The following RAB28 variants were observed in gnomAD, a reference collection of about 807,000 sequenced individuals.
RAB28 encodes RAB28, member RAS oncogene family.
A neutral mutation model predicts 31.7 loss-of-function variants in RAB28; 24 were observed. The ratio of observed to expected loss-of-function variants is 0.76; its 90% CI spans 0.55 to 1.06. RAB28 has a LOEUF of 1.06. RAB28 is among the 50% of genes least tolerant of loss of function. RAB28 has a pLI of 0.00. For missense variants in RAB28, 254 were observed against 258.5 expected, an observed-to-expected ratio of 0.98 and a Z score of 0.12; for synonymous variants, 100 against 90.4, an observed-to-expected ratio of 1.11 and a Z score of -0.60.
At chr4:13,412,148 T>C (rs948309577) in intron 4 of RAB28, among the ~76,000 whole-genome samples, 26 of 151,946 alleles carry the variant, frequency 1.7e-4, no homozygotes, top group Non-Finnish European at 2.8e-4. Flanking sequence ...GGCTGACACA[T>C]GTAAAATCAA....
At chr4:13,399,702 C>A (rs1386168712) in intron 4 of RAB28, among the ~76,000 whole-genome samples, 2 of 152,034 alleles carry the variant, frequency 1.3e-5, no homozygotes, top group African/African-American at 2.4e-5. Context: ...ATTTATATGT[C>A]TTTCTTCTTC....
chr4:13,455,338 G>C (rs1715238114), intron 4 of RAB28, among the ~76,000 whole-genome samples: 1 of 152,222 alleles, frequency 6.6e-6, no homozygotes. Flanking sequence ...TCAAGGGCAG[G>C]TTTGCCCTGG....
chr4:13,381,377 A>T (rs1009736916), intron 5 of RAB28, 114 bp downstream of exon 5: 1 of 673,420 alleles, frequency 1.5e-6, no homozygotes. Context: ...AAGGAATTTC[A>T]TGTTTTCAAT....
chr4:13,394,608 G>T (rs1006129431), intron 4 of RAB28, among the ~76,000 whole-genome samples: 1 of 152,144 alleles, frequency 6.6e-6, no homozygotes, highest in Admixed American at 6.5e-5. Flanking sequence ...CGAAAAAACT[G>T]TTTAAGTCAT....
intron 4 of RAB28, among the ~76,000 whole-genome samples, chr4:13,428,010 T>A (rs55674626): frequency 0.057 from 8,692 of 152,050 alleles, 570 homozygotes; most frequent in African/African-American, 0.16. Context: ...CACGTGAGAG[T>A]GTCGTGATGG....
Position 13,433,115 on chromosome 4 carries a change from A to T in RAB28, c.391+27584T>A, listed in dbSNP as rs185107607. ...ATAGGCTCAAAGTAAAGGTATGGAGAAAGATCTATCATGCAAATGAAAGAA... is the reference window on the plus strand; with the variant it reads ...ATAGGCTCAAAGTAAAGGTATGGAGTAAGATCTATCATGCAAATGAAAGAA... On this transcript the variant is annotated intron_variant, in intron 4 of 6. Transcript: ENST00000330852. Among the ~76,000 whole-genome samples the T allele has an allele frequency of 8.6e-5, 13 of 151,858 alleles. No homozygotes were observed. In the East Asian group the frequency reaches 2.5e-3, roughly 29 times the overall value.
intron 4 of RAB28, among the ~76,000 whole-genome samples, chr4:13,425,056 A>C (rs1376328467): frequency 6.6e-6 from 1 of 152,226 alleles, no homozygotes; most frequent in East Asian, 1.9e-4. Flanking sequence ...TATACAGATA[A>C]GAAATGAGTT....
At chr4:13,383,927 G>A (rs1202194540) in intron 4 of RAB28, among the ~76,000 whole-genome samples, 1 of 152,174 alleles carries the variant, frequency 6.6e-6, no homozygotes, top group Non-Finnish European at 1.5e-5. Flanking sequence ...CTCTCCTGAG[G>A]TCCCAGCCTG....
intron 6 of RAB28, among the ~76,000 whole-genome samples, chr4:13,368,997 T>C (rs578126066): frequency 5.3e-5 from 8 of 152,260 alleles, no homozygotes; most frequent in South Asian, 2.1e-4. Flanking sequence ...TTTTAAATCA[T>C]AGAAAAGAAC....
At chr4:13,402,598 T>A (rs957257891) in intron 4 of RAB28, among the ~76,000 whole-genome samples, 10 of 152,168 alleles carry the variant, frequency 6.6e-5, no homozygotes, top group African/African-American at 2.4e-4. Flanking sequence ...ATCCTTCTAT[T>A]TCTAAGCTAC....
chr4:13,400,076 T>C (rs1711662074), intron 4 of RAB28, among the ~76,000 whole-genome samples: 1 of 152,164 alleles, frequency 6.6e-6, no homozygotes, highest in Admixed American at 6.5e-5. Flanking sequence ...TTTTTCTCTA[T>C]AAAAATAACA....
chr4:13,370,060 G>A, intron 6 of RAB28: 5 of 1,478,402 alleles, frequency 3.4e-6, no homozygotes, highest in South Asian at 2.8e-5. Flanking sequence ...AATATAGAAG[G>A]AAACACCAAA....
At chr4:13,400,690 T>A (rs1711698000) in intron 4 of RAB28, among the ~76,000 whole-genome samples, 2 of 152,154 alleles carry the variant, frequency 1.3e-5, no homozygotes. Flanking sequence ...TGACATTAAT[T>A]GTAGGGTTTT....
At chr4:13,374,032 C>A (rs1046554984) in intron 6 of RAB28, among the ~76,000 whole-genome samples, 2 of 151,574 alleles carry the variant, frequency 1.3e-5, no homozygotes, top group Non-Finnish European at 2.9e-5. Context: ...GATGAACTTG[C>A]CAAAATGTTT....
intron 2 of RAB28, 33 bp from the exon 3 acceptor site, chr4:13,474,439 A>G: frequency 7.7e-7 from 1 of 1,291,622 alleles, no homozygotes; most frequent in Non-Finnish European, 1.1e-6. Flanking sequence ...AAAAATAAGA[A>G]TACCAAAAAA....
chr4:13,402,163 T>G (rs1037093480), intron 4 of RAB28, among the ~76,000 whole-genome samples: 2 of 152,242 alleles, frequency 1.3e-5, no homozygotes, highest in African/African-American at 4.8e-5. Flanking sequence ...AAGAATATGG[T>G]CTATCTTGAT....
intron 4 of RAB28, among the ~76,000 whole-genome samples, chr4:13,399,457 T>C (rs1351297331): frequency 1.3e-5 from 2 of 152,188 alleles, no homozygotes; most frequent in African/African-American, 2.4e-5. Context: ...CTAAGATACA[T>C]AGCAGAGAAC....
At chr4:13,398,469 A>C (rs183640286) in intron 4 of RAB28, among the ~76,000 whole-genome samples, 9 of 152,292 alleles carry the variant, frequency 5.9e-5, no homozygotes, top group African/African-American at 2.2e-4. Flanking sequence ...GGCATCTCAC[A>C]AAGTACACAA....
At chr4:13,394,053 T>C (rs1729765237) in intron 4 of RAB28, among the ~76,000 whole-genome samples, 1 of 152,106 alleles carries the variant, frequency 6.6e-6, no homozygotes, top group Admixed American at 6.5e-5. Flanking sequence ...AGCATGTAAA[T>C]AAATGAGTCA....
Sources: gnomAD v4.1 joint callset for allele counts (sites outside exome capture counted in the v4.1 genomes callset) on GRCh38, gnomAD v4.1.1 for gene constraint, MANE v1.5 for transcripts, NCBI Gene and HGNC (gene_info 2026-07-23, HGNC 2026-07-21) for gene names.